GPATCH2: variants seen among roughly 807,000 people sequenced by gnomAD.
The protein encoded by GPATCH2 is G-patch domain containing 2.
Under a neutral mutation model 58.0 loss-of-function variants are expected in GPATCH2, and 51 were observed. The ratio of observed to expected loss-of-function variants is 0.88; its 90% CI spans 0.70 to 1.11. GPATCH2 has a LOEUF of 1.11. GPATCH2 is among the 50% of genes most tolerant of loss of function. The pLI, the probability that GPATCH2 is intolerant of heterozygous loss-of-function variation, is 0.00. For missense variants in GPATCH2, 625 were observed against 652.2 expected (o/e 0.96, Z 0.45); for synonymous variants, 222 against 218.5 (o/e 1.02, Z -0.14).
chr1:217,630,051 A>T (rs373735427), intron 1 of GPATCH2, among the ~76,000 whole-genome samples: 7 of 152,256 alleles, frequency 4.6e-5, no homozygotes, highest in African/African-American at 1.7e-4. Flanking sequence ...AGGATTTTCA[A>T]TGGGAAATTG....
chr1:217,561,832 T>C (rs578028602), intron 5 of GPATCH2, among the ~76,000 whole-genome samples: 11 of 152,280 alleles, frequency 7.2e-5, no homozygotes, highest in African/African-American at 2.4e-4. Flanking sequence ...TATGATTAGG[T>C]ACCTGCCTTG....
Position 217,514,897 on chromosome 1 carries a change from G to A in GPATCH2, c.1099-8C>T. On this transcript the variant is annotated splice_region_variant and splice_polypyrimidine_tract_variant and intron_variant, in intron 5 of 9. Coordinates refer to ENST00000366935, the MANE Select transcript of GPATCH2 (RefSeq NM_018040.5). Reference sequence around the variant, plus strand: ...TGGGCCAGGAATGGGTACCTACAGGGAGATTTAAAAAGAAAAAATAAATTT... The same window carrying A: ...TGGGCCAGGAATGGGTACCTACAGGAAGATTTAAAAAGAAAAAATAAATTT... 3 of 1,377,498 alleles carry A rather than the reference G, an allele frequency of 2.2e-6. No individual in the cohort carries two copies. The highest frequency in any genetic ancestry group is 3.1e-6 in the Non-Finnish European group (3 of 966,062). 85.3% of individuals were successfully genotyped at this position (1,377,498 alleles called of 1,614,324 possible). A position where few individuals can be genotyped will look rare whatever the true frequency, so the allele number is the denominator to read the frequency against.
At chr1:217,500,862 A>G (rs537448297) in intron 6 of GPATCH2, among the ~76,000 whole-genome samples, 1 of 152,156 alleles carries the variant, frequency 6.6e-6, no homozygotes, top group East Asian at 1.9e-4. Context: ...TTTGCCTGCT[A>G]AGTGATTTAT....
rs563113393 is a variant in GPATCH2 at position 217,477,833 on chromosome 1, C to T, written c.1277+13847G>A. 3.8e-4 allele frequency among the ~76,000 whole-genome samples: 58 copies of T among 152,258 alleles called. 1 individual carries two copies. The South Asian group carries it at 0.011, about 28-fold the overall frequency. On this transcript the variant is annotated intron_variant, in intron 8 of 9. Transcript: ENST00000366935. ...TACCTGGGGTCAGGGAGTGTGGTTA[C>T]AACAGGCCTTGGTTGAGACCTAATG...
chr1:217,432,107 T>G (rs1658565352), intron 9 of GPATCH2, among the ~76,000 whole-genome samples: 1 of 151,996 alleles, frequency 6.6e-6, no homozygotes, highest in Non-Finnish European at 1.5e-5. Flanking sequence ...AGACCACAAT[T>G]CCCTTCATAG....
chr1:217,488,651 C>G (rs967312949), intron 8 of GPATCH2, among the ~76,000 whole-genome samples: 21 of 152,024 alleles, frequency 1.4e-4, no homozygotes, highest in African/African-American at 5.1e-4. Context: ...TTTTAACTGA[C>G]ATGTTTAATC....
intron 8 of GPATCH2, among the ~76,000 whole-genome samples, chr1:217,472,614 A>C (rs539936918): frequency 9.5e-4 from 145 of 152,238 alleles, no homozygotes; most frequent in African/African-American, 3.3e-3. Flanking sequence ...ACAGACTTTC[A>C]ATTTGGAAAA....
rs140399410 is a variant in GPATCH2 at position 217,600,554 on chromosome 1, C to T, written c.1098+9767G>A. ...CATATCTGAAGGGAAAGTAGAAAAC[C>T]GAAATTTATAGACCATCAGAATAAT... On this transcript the variant is annotated intron_variant, in intron 5 of 9. Transcript: ENST00000366935. 2.0e-4 allele frequency among the ~76,000 whole-genome samples: 31 copies of T among 151,898 alleles called. No homozygotes were observed. In the East Asian group the frequency reaches 4.3e-3, roughly 21 times the overall value.
chr1:217,441,902 A>G (rs952061161), intron 9 of GPATCH2, among the ~76,000 whole-genome samples: 5 of 152,152 alleles, frequency 3.3e-5, no homozygotes, highest in Non-Finnish European at 5.9e-5. Flanking sequence ...TGGGAGTGCA[A>G]ATTAGTTCAA....
rs181484660 is a variant in GPATCH2, at chr1:217,589,303, C to G, written c.1098+21018G>C. ...CATCACCTCTTCCTTACATTCCCCT[C>G]TAGAAGACACCATGCTGCTTTATGA... On this transcript the variant is annotated intron_variant, in intron 5 of 9. Transcript: ENST00000366935. Among the ~76,000 whole-genome samples, 10 of 151,982 alleles carry G rather than the reference C, an allele frequency of 6.6e-5. No individual in the cohort carries two copies. The East Asian group carries it at 1.8e-3, about 27-fold the overall frequency.
intron 5 of GPATCH2, among the ~76,000 whole-genome samples, chr1:217,531,786 T>C (rs574015613): frequency 1.3e-5 from 2 of 152,236 alleles, no homozygotes; most frequent in South Asian, 2.1e-4. Context: ...GTTAAGAAAT[T>C]TGATGACAGA....
At chr1:217,580,646 T>G (rs917192215) in intron 5 of GPATCH2, among the ~76,000 whole-genome samples, 38 of 152,276 alleles carry the variant, frequency 2.5e-4, no homozygotes, top group East Asian at 1.7e-3. Context: ...TTAAAATCTT[T>G]CCTTTCCCCA....
intron 9 of GPATCH2, among the ~76,000 whole-genome samples, chr1:217,445,232 A>C (rs1659332158): frequency 6.6e-6 from 1 of 152,186 alleles, no homozygotes; most frequent in Non-Finnish European, 1.5e-5. Context: ...CATTATTTCA[A>C]TAGAAAGCAA....
chr1:217,437,969 A>G (rs962053468), intron 9 of GPATCH2, among the ~76,000 whole-genome samples: 1 of 152,154 alleles, frequency 6.6e-6, no homozygotes, highest in African/African-American at 2.4e-5. Context: ...GTCGACAGAC[A>G]CCTCATACAG....
intron 6 of GPATCH2, among the ~76,000 whole-genome samples, chr1:217,499,534 A>G (rs1662193736): frequency 6.6e-6 from 1 of 152,194 alleles, no homozygotes; most frequent in Admixed American, 6.6e-5. Flanking sequence ...GGCCTTGTTT[A>G]GGCCTTAATA....
At chr1:217,497,652 T>C (rs1662078511) in intron 7 of GPATCH2, among the ~76,000 whole-genome samples, 1 of 152,146 alleles carries the variant, frequency 6.6e-6, no homozygotes, top group East Asian at 1.9e-4. Context: ...AAATGATTCC[T>C]GAAGATTTGA....
At chr1:217,450,417 TA>T (rs1357806184) in intron 8 of GPATCH2, among the ~76,000 whole-genome samples, 1 of 152,096 alleles carries the variant, frequency 6.6e-6, no homozygotes, top group East Asian at 1.9e-4. Flanking sequence ...CATATACTCA[TA>T]TGGTTAAATA....
intron 8 of GPATCH2, among the ~76,000 whole-genome samples, chr1:217,468,893 G>A (rs1323985615): frequency 6.6e-6 from 1 of 151,856 alleles, no homozygotes; most frequent in African/African-American, 2.4e-5. Context: ...CTGTATTTCT[G>A]TATATAAAAA....
intron 8 of GPATCH2, among the ~76,000 whole-genome samples, chr1:217,452,207 TCAGA>T (rs1470346009): frequency 4.6e-5 from 7 of 152,204 alleles, no homozygotes; most frequent in African/African-American, 1.7e-4. Flanking sequence ...TTGCCATAGT[TCAGA>T]CACTCACTTC....
Sources: allele counts gnomAD v4.1 joint callset (sites outside exome capture counted in the v4.1 genomes callset), GRCh38; gene constraint gnomAD v4.1.1; transcripts MANE v1.5; gene names NCBI Gene and HGNC (gene_info 2026-07-23, HGNC 2026-07-21).